The following DCLK2 variants were observed in gnomAD, a reference collection of about 807,000 sequenced individuals.
The protein encoded by DCLK2 is serine/threonine-protein kinase DCLK2.
A neutral mutation model predicts 78.4 loss-of-function variants in DCLK2; 31 were observed. That is an observed-to-expected ratio of 0.40 (90% confidence interval 0.30 to 0.53). The LOEUF is 0.53. Among genes scored for constraint, DCLK2 ranks in the 20% least tolerant of loss-of-function variants. The pLI is 0.61. For synonymous variants in DCLK2, 407 were observed against 374.9 expected, an observed-to-expected ratio of 1.09 and a Z score of -0.99; for missense variants, 872 against 973.7, an observed-to-expected ratio of 0.90 and a Z score of 1.39.
chr4:150,218,941 C>T (rs372113430), intron 5 of DCLK2, among the ~76,000 whole-genome samples: 20 of 152,272 alleles, frequency 1.3e-4, no homozygotes, highest in African/African-American at 3.8e-4. Context: ...TGGTGGTGCA[C>T]GCCTGTAATC....
chr4:150,134,734 C>T (rs903024223), intron 2 of DCLK2, among the ~76,000 whole-genome samples: 2 of 152,118 alleles, frequency 1.3e-5, no homozygotes, highest in African/African-American at 4.8e-5. Flanking sequence ...TTGTAAAAAT[C>T]CATCCTGTTT....
At chr4:150,169,515 A>G (rs1736351530) in intron 2 of DCLK2, among the ~76,000 whole-genome samples, 4 of 152,084 alleles carry the variant, frequency 2.6e-5, no homozygotes. Flanking sequence ...GAAAGTAGCC[A>G]GTGTGGTGGC....
At chr4:150,130,710 C>A (rs137942380) in intron 2 of DCLK2, among the ~76,000 whole-genome samples, 1 of 151,804 alleles carries the variant, frequency 6.6e-6, no homozygotes, top group Admixed American at 6.6e-5. Flanking sequence ...GAAGGAAGAC[C>A]ACCGGCATAA....
chr4:150,153,700 C>G (rs535934469), intron 2 of DCLK2, among the ~76,000 whole-genome samples: 1 of 151,986 alleles, frequency 6.6e-6, no homozygotes, highest in Non-Finnish European at 1.5e-5. Flanking sequence ...TAGATGTGAG[C>G]CACTACAACA....
intron 1 of DCLK2, among the ~76,000 whole-genome samples, chr4:150,093,435 G>T (rs1022255438): frequency 6.6e-6 from 1 of 152,206 alleles, no homozygotes; most frequent in Non-Finnish European, 1.5e-5. Flanking sequence ...AGGTTGGAGT[G>T]CAGTGGTGCC....
intron 2 of DCLK2, among the ~76,000 whole-genome samples, chr4:150,192,535 A>G (rs1738540542): frequency 6.6e-6 from 1 of 151,766 alleles, no homozygotes; most frequent in African/African-American, 2.4e-5. Context: ...ATAGGGCATT[A>G]GAAGATCCCT....
At chr4:150,247,170 T>G (rs1417085887) in intron 12 of DCLK2, among the ~76,000 whole-genome samples, 3 of 152,248 alleles carry the variant, frequency 2.0e-5, no homozygotes, top group Non-Finnish European at 4.4e-5. Context: ...AGGATTTCCA[T>G]TATTTGTGGA....
Position 150,101,928 on chromosome 4 carries a change from T to A in DCLK2, c.422-550T>A, listed in dbSNP as rs185615586. ...CAGAACTCTTCCATAATGTTTGTGG[T>A]GCTTCATTAATTTAATAAGTGACCT... On this transcript the variant is annotated intron_variant, in intron 1 of 15. Coordinates refer to ENST00000296550, the MANE Select transcript of DCLK2 (RefSeq NM_001040260.4). Among the ~76,000 whole-genome samples, 432 of 152,356 alleles carry A rather than the reference T, an allele frequency of 2.8e-3. 3 individuals carry two copies. The highest frequency in any genetic ancestry group is 9.8e-3 in the African/African-American group (408 of 41,598).
At chr4:150,232,290 AGGGT>A in intron 8 of DCLK2, 43 bp from the exon 9 acceptor site, 1 of 1,595,630 alleles carries the variant, frequency 6.3e-7, no homozygotes, top group Non-Finnish European at 8.5e-7. Context: ...TCGAGAGCAG[AGGGT>A]TCTGTGATTT....
intron 2 of DCLK2, among the ~76,000 whole-genome samples, chr4:150,129,590 C>T (rs778871044): frequency 2.5e-4 from 38 of 151,602 alleles, no homozygotes; most frequent in Non-Finnish European, 4.3e-4. Context: ...TGTGGTGGCA[C>T]GTGCCTGTAG....
rs900877941 is a variant in DCLK2, at chr4:150,240,250, G to T, written c.1701-149G>T. On this transcript the variant is annotated intron_variant, in intron 11 of 15. Coordinates refer to ENST00000296550, the MANE Select transcript of DCLK2 (RefSeq NM_001040260.4). ...GCAGAAACAGATGCCTTTTTCTAAA[G>T]TGTGATTCATTCATCTCTATGTGAA... 4.3e-6 allele frequency: 3 copies of T among 690,858 alleles called. No individual in the cohort carries two copies. In the Admixed American group the frequency reaches 8.7e-5, roughly 20 times the overall value. The allele number at this position is 690,858 out of a possible 1,614,324, so 42.8% of individuals were successfully genotyped here.
At chr4:150,236,507 G>A (rs1454952311) in intron 10 of DCLK2, among the ~76,000 whole-genome samples, 2 of 152,116 alleles carry the variant, frequency 1.3e-5, no homozygotes, top group Admixed American at 6.6e-5. Flanking sequence ...GATAATCTTC[G>A]AAAGAATTTT....
At chr4:150,079,489 C>G in intron 1 of DCLK2, 41 bp downstream of exon 1, 2 of 1,440,720 alleles carry the variant, frequency 1.4e-6, no homozygotes, top group Non-Finnish European at 1.8e-6. Flanking sequence ...CGGCGGAGCG[C>G]CGGCAGGTGC....
intron 1 of DCLK2, among the ~76,000 whole-genome samples, chr4:150,094,607 C>T (rs968519923): frequency 6.6e-6 from 1 of 152,164 alleles, no homozygotes; most frequent in Non-Finnish European, 1.5e-5. Context: ...AGGAGCCTGA[C>T]CCTGAGCCTC....
At chr4:150,186,884 C>G (rs942981194) in intron 2 of DCLK2, among the ~76,000 whole-genome samples, 5 of 139,348 alleles carry the variant, frequency 3.6e-5, no homozygotes, top group East Asian at 4.1e-4. Flanking sequence ...CAGAGTGACT[C>G]TATCTCAAAA....
At chr4:150,184,111 G>T (rs981483282) in intron 2 of DCLK2, among the ~76,000 whole-genome samples, 6 of 152,162 alleles carry the variant, frequency 3.9e-5, no homozygotes, top group Non-Finnish European at 8.8e-5. Flanking sequence ...TGTAATGCTG[G>T]AATTATAGTG....
chr4:150,130,610 G>A (rs910932277), intron 2 of DCLK2, among the ~76,000 whole-genome samples: 2 of 152,072 alleles, frequency 1.3e-5, no homozygotes, highest in Non-Finnish European at 2.9e-5. Context: ...TAAACAGGGG[G>A]CTATGTGAAG....
chr4:150,191,302 C>T (rs1223522144), intron 2 of DCLK2, among the ~76,000 whole-genome samples: 2 of 151,824 alleles, frequency 1.3e-5, no homozygotes, highest in East Asian at 3.9e-4. Flanking sequence ...CTGAGTGGTA[C>T]GTGATCACCC....
At chr4:150,177,649 A>G (rs1327614528) in intron 2 of DCLK2, among the ~76,000 whole-genome samples, 1 of 152,258 alleles carries the variant, frequency 6.6e-6, no homozygotes, top group Non-Finnish European at 1.5e-5. Context: ...AGTTTGAGGA[A>G]TAGATCGATG....
Sources: allele counts gnomAD v4.1 joint callset (sites outside exome capture counted in the v4.1 genomes callset), GRCh38; gene constraint gnomAD v4.1.1; transcripts MANE v1.5; gene names NCBI Gene and HGNC (gene_info 2026-07-23, HGNC 2026-07-21).